The following ALPK3 variants were observed in gnomAD, a reference collection of about 807,000 sequenced individuals.
The protein encoded by ALPK3 is alpha kinase 3, also known as alpha-protein kinase 3.
Under a neutral mutation model 140.0 loss-of-function variants are expected in ALPK3, and 102 were observed. The observed-to-expected ratio is 0.73, with a 90% confidence interval of 0.62 to 0.86. The LOEUF (loss-of-function observed/expected upper bound fraction) is 0.86, where lower values mean the gene tolerates loss of function less well. ALPK3 is among the 40% of genes least tolerant of loss of function. The pLI is 0.00. For missense variants in ALPK3, 2,254 were observed against 2,208.2 expected, an observed-to-expected ratio of 1.02 and a Z score of -0.42; for synonymous variants, 938 against 898.5, an observed-to-expected ratio of 1.04 and a Z score of -0.79.
intron 1 of ALPK3, among the ~76,000 whole-genome samples, chr15:84,821,484 G>A (rs767955823): frequency 6.6e-6 from 1 of 152,206 alleles, no homozygotes; most frequent in Non-Finnish European, 1.5e-5. Context: ...TGAAATTTAT[G>A]GTCAGGAAAG....
chr15:84,832,946 G>A (rs887218614), intron 3 of ALPK3, among the ~76,000 whole-genome samples: 1 of 152,180 alleles, frequency 6.6e-6, no homozygotes, highest in Non-Finnish European at 1.5e-5. Context: ...TGTCAGACAT[G>A]AGTCTGGCTT....
intron 1 of ALPK3, among the ~76,000 whole-genome samples, chr15:84,821,967 G>A (rs367885108): frequency 2.6e-5 from 4 of 152,234 alleles, no homozygotes; most frequent in African/African-American, 7.2e-5. Context: ...TGGTGGCGCC[G>A]GAGCATTGGG....
At chr15:84,824,380 A>G (rs936510617) in intron 2 of ALPK3, among the ~76,000 whole-genome samples, 1 of 152,226 alleles carries the variant, frequency 6.6e-6, no homozygotes, top group Non-Finnish European at 1.5e-5. Flanking sequence ...GTTACAATCA[A>G]AATGGGAACA....
Position 84,869,879 on chromosome 15 carries a change from AG to A in ALPK3, c.*1424del, listed in dbSNP as rs1292815459. 2 of 152,500 alleles carry A rather than the reference AG, an allele frequency of 1.3e-5. No homozygotes were observed. The highest frequency in any genetic ancestry group is 4.8e-5 in the African/African-American group (2 of 41,448). The allele number at this position is 152,500 out of a possible 1,614,324, so 9.4% of individuals were successfully genotyped here. ...ATCTATATTTTGGTTCCTGGACCGA[AG>A]TTCAGTCGCAGCCTTCTGTGGCCAC... On this transcript the variant is annotated 3_prime_UTR_variant, in exon 14 of 14. Transcript: ENST00000258888.
At chr15:84,867,645 G>T (rs749953518) in intron 13 of ALPK3, among the ~76,000 whole-genome samples, 1 of 152,132 alleles carries the variant, frequency 6.6e-6, no homozygotes, top group Admixed American at 6.5e-5. Context: ...CCAAGGTGCC[G>T]ATGAGTAAGG....
intron 5 of ALPK3, among the ~76,000 whole-genome samples, chr15:84,842,967 A>G (rs1268789608): frequency 2.6e-5 from 4 of 152,140 alleles, no homozygotes; most frequent in African/African-American, 9.7e-5. Context: ...TTAGGAAGGG[A>G]CCAGGCTGGT....
chr15:84,857,768 A>G lies in ALPK3; in HGVS notation c.3030A>G (p.Thr1010=), dbSNP rs754609575. ...AAGTGGCTGGGCTTAGTCCCCGGAC[A>G]TCGAGGCGCATCCTGGAGCGTGTGG... is the stretch of plus-strand genomic sequence containing the variant. The part of the protein sequence containing the change: ...TVEVAGLSPR[T]SRRILERVEN... The change falls in exon 6 of 14, where the codon ACA becomes ACG. Residue 1010 remains threonine (T), a synonymous_variant. Coordinates refer to ENST00000258888, the MANE Select transcript of ALPK3 (RefSeq NM_020778.5). 4.3e-6 allele frequency: 7 copies of G among 1,612,826 alleles called. No homozygotes were observed. In the East Asian group the frequency reaches 1.1e-4, roughly 26 times the overall value.
In ALPK3 at chr15:84,857,453, G is replaced by A. The variant is rs1194301758; in HGVS notation, c.2715G>A (p.Leu905=). The change falls in exon 6 of 14, where the codon CTG becomes CTA. Residue 905 remains leucine, a synonymous_variant. Transcript: ENST00000258888. ...TCCTGCCCTCTGAGGATCAGGTCCT[G>A]ATGAGTTCTGCCCCAACACTGCACC... The part of the protein sequence containing the change: ...ATFLPSEDQV[L]MSSAPTLHLG... 6.2e-7 allele frequency: 1 copy of A among 1,613,566 alleles called. No homozygotes were observed. Among genetic ancestry groups the A allele is most frequent in the Admixed American group, 1.7e-5 (1 of 60,008 alleles).
At position 84,871,863 on chromosome 15, in the gene ALPK3, G is replaced by C. The variant is rs1487327597; in HGVS notation, c.*3407G>C. ...TCTGGTTGGGTGCAGTATGTGAGGAGGTCACATGATGTTTATGGCATTTGA... is the reference window on the plus strand; with the variant it reads ...TCTGGTTGGGTGCAGTATGTGAGGACGTCACATGATGTTTATGGCATTTGA... On this transcript the variant is annotated 3_prime_UTR_variant, in exon 14 of 14. Transcript: ENST00000258888. The C allele has an allele frequency of 6.6e-6, 1 of 152,246 alleles. No homozygotes were observed. Among genetic ancestry groups the C allele is most frequent in the Non-Finnish European group, 1.5e-5 (1 of 68,048 alleles). The allele number at this position is 152,246 out of a possible 1,614,324, so 9.4% of individuals were successfully genotyped here.
intron 1 of ALPK3, among the ~76,000 whole-genome samples, chr15:84,817,834 G>T (rs1198233470): frequency 6.6e-6 from 1 of 152,178 alleles, no homozygotes; most frequent in Non-Finnish European, 1.5e-5. Flanking sequence ...GAGGACAAAG[G>T]CTCCACTTTG....
chr15:84,839,746 A>G lies in ALPK3; in HGVS notation c.467A>G (p.Asn156Ser). ...DAAIYQASAQNSKGIVSCSGV... is the reference protein window; with the variant it reads ...DAAIYQASAQSSKGIVSCSGV... Reference sequence around the variant, plus strand: ...GCCATCTACCAGGCCTCTGCCCAGAACAGCAAGGGCATTGTGTCCTGCTCA... The same window carrying G: ...GCCATCTACCAGGCCTCTGCCCAGAGCAGCAAGGGCATTGTGTCCTGCTCA... The change falls in exon 5 of 14, where the codon AAC becomes AGC. Residue 156 changes from asparagine to serine, a missense_variant. Transcript: ENST00000258888. 6.2e-7 allele frequency: 1 copy of G among 1,613,950 alleles called. No homozygotes were observed. Among genetic ancestry groups the G allele is most frequent in the Non-Finnish European group, 8.5e-7 (1 of 1,179,936 alleles).
chr15:84,859,494 A>G (rs1963914752), intron 7 of ALPK3, 104 bp downstream of exon 7: 2 of 1,441,952 alleles, frequency 1.4e-6, no homozygotes, highest in South Asian at 1.4e-5. Flanking sequence ...TAATCCTCAC[A>G]ATAACCAGGG....
rs1432395468 is a variant in ALPK3 at position 84,858,416 on chromosome 15, G to A, written c.3678G>A (p.Val1226=). ...TQGRKASMLE[V]PRAEEELAAG... is the part of the protein sequence containing the mutation. ...GCAGAAAGGCGAGCATGCTGGAGGT[G>A]CCTCGGGCAGAGGAGGAGCTGGCGG... Residue 1226 remains valine (V), a synonymous_variant, in exon 6 of 14, where the codon GTG becomes GTA. Transcript: ENST00000258888. 7 of 1,558,930 alleles carry A rather than the reference G, an allele frequency of 4.5e-6. No homozygotes were observed. Among genetic ancestry groups the A allele is most frequent in the Non-Finnish European group, 5.2e-6 (6 of 1,154,336 alleles).
chr15:84,849,506 C>G (rs139368271), intron 5 of ALPK3, among the ~76,000 whole-genome samples: 3,497 of 152,184 alleles, frequency 0.023, 60 homozygotes, highest in Non-Finnish European at 0.036. Context: ...TAGATTATAT[C>G]CTGGACCATA....
chr15:84,840,044 T>A lies in ALPK3; in HGVS notation c.765T>A (p.Thr255=). 1 of 1,613,784 alleles carries A rather than the reference T, an allele frequency of 6.2e-7. No individual in the cohort carries two copies. Among genetic ancestry groups the A allele is most frequent in the Non-Finnish European group, 8.5e-7 (1 of 1,179,920 alleles). The change falls in exon 5 of 14, where the codon ACT becomes ACA. Residue 255 remains threonine (T), a synonymous_variant. Transcript: ENST00000258888. ...TGGCGGCTTGGCAGGAGGGAGAGAC[T>A]GAGACTGCTCAGCACTCAGGTTTGG... ...GTLAAWQEGE[T]ETAQHSGLGL...
rs1201826827 is a variant in ALPK3 at position 84,859,392 on chromosome 15, T to C, written c.3965+2T>C. 6.2e-7 allele frequency: 1 copy of C among 1,613,844 alleles called. No homozygotes were observed. The highest frequency in any genetic ancestry group is 1.3e-5 in the African/African-American group (1 of 74,912). On this transcript the variant is annotated splice_donor_variant, in intron 7 of 13. Coordinates refer to ENST00000258888, the MANE Select transcript of ALPK3 (RefSeq NM_020778.5). LOFTEE classifies it high-confidence loss of function. ...CCCAGTGGGCGAGGTGGGCAGGAGG[T>C]AAGCCAACGACACCACTGCCACCTG...
Position 84,857,002 on chromosome 15 carries a change from G to A in ALPK3, c.2264G>A (p.Cys755Tyr), listed in dbSNP as rs1963870763. 6.2e-7 allele frequency: 1 copy of A among 1,614,156 alleles called. No individual in the cohort carries two copies. Among genetic ancestry groups the A allele is most frequent in the Non-Finnish European group, 8.5e-7 (1 of 1,180,036 alleles). Residue 755 changes from cysteine to tyrosine, a missense_variant, in exon 6 of 14, where the codon TGT becomes TAT. By Grantham distance (194) the Cys-to-Tyr change is radical. Around this residue, in one of 3 missense-constraint regions of ALPK3, gnomAD observed 2,088 missense variants for 2,022.9 expected, o/e 1.03. Coordinates refer to ENST00000258888, the MANE Select transcript of ALPK3 (RefSeq NM_020778.5). ...AGPRAPLNIECFVQTPEGSCF... is the reference protein window; with the variant it reads ...AGPRAPLNIEYFVQTPEGSCF... ...CCTAGAGCTCCTCTGAATATTGAAT[G>A]TTTTGTACAGACCCCAGAAGGGTCT...
intron 5 of ALPK3, among the ~76,000 whole-genome samples, chr15:84,844,782 G>A (rs577007186): frequency 1.3e-5 from 2 of 152,192 alleles, no homozygotes. Flanking sequence ...GCTTGAACCC[G>A]AGAGGTGGAG....
At chr15:84,827,685 T>G in intron 3 of ALPK3, 80 bp downstream of exon 3, 1 of 1,572,868 alleles carries the variant, frequency 6.4e-7, no homozygotes, top group South Asian at 1.1e-5. Context: ...ACAGGAATGG[T>G]GGGGTGGCGG....
Sources: allele counts gnomAD v4.1 joint callset (sites outside exome capture counted in the v4.1 genomes callset), GRCh38; gene constraint gnomAD v4.1.1; regional missense constraint gnomAD v4.1.1; transcripts MANE v1.5; gene names NCBI Gene and HGNC (gene_info 2026-07-23, HGNC 2026-07-21).